Variants in JADE3 observed in about 807,000 individuals in gnomAD.
JADE3 encodes jade family PHD finger 3.
Under a neutral mutation model 50.1 loss-of-function variants are expected in JADE3, and 2 were observed. The observed-to-expected ratio is 0.04, with a 90% CI of 0.02 to 0.13. The LOEUF is 0.13. Ranked by LOEUF, JADE3 falls within the 10% of genes least tolerant of loss-of-function variation. The probability of loss-of-function intolerance (pLI) is 1.00; values close to 1 mark genes in which losing one functional copy is unlikely to be tolerated. For missense variants in JADE3, 475 were observed against 634.4 expected (o/e 0.75, Z 2.70); for synonymous variants, 218 against 232.9 (o/e 0.94, Z 0.58).
At chrX:47,015,298 C>G (rs1928644570) in intron 4 of JADE3, among the ~76,000 whole-genome samples, 1 of 112,006 alleles carries the variant, frequency 8.9e-6, no homozygotes, top group Non-Finnish European at 1.9e-5. Context: ...AAGAATGAAT[C>G]TGGCCGGGTG....
At chrX:47,046,075 A>T (rs1929364350) in intron 8 of JADE3, among the ~76,000 whole-genome samples, 1 of 111,492 alleles carries the variant, frequency 9.0e-6, no homozygotes, top group Non-Finnish European at 1.9e-5. Flanking sequence ...GAAAAAAAAG[A>T]TCAACAAAAC....
intron 6 of JADE3, among the ~76,000 whole-genome samples, chrX:47,031,419 G>T (rs1394399780): frequency 9.0e-6 from 1 of 111,472 alleles, no homozygotes; most frequent in Non-Finnish European, 1.9e-5. Flanking sequence ...ACCTACTCAA[G>T]CTCAGCATAG....
intron 8 of JADE3, among the ~76,000 whole-genome samples, chrX:47,041,970 T>C (rs1556369791): frequency 2.7e-5 from 3 of 110,415 alleles, no homozygotes; most frequent in African/African-American, 6.6e-5. Flanking sequence ...ACACCTGGCC[T>C]TTTTTTTTCT....
intron 1 of JADE3, among the ~76,000 whole-genome samples, chrX:46,938,232 T>C (rs782502033): frequency 8.9e-6 from 1 of 111,867 alleles, no homozygotes; most frequent in African/African-American, 3.2e-5. Flanking sequence ...TTTTGATACC[T>C]GTTTTTATTT....
chrX:46,990,606 G>A (rs782016132), intron 3 of JADE3, among the ~76,000 whole-genome samples: 6 of 111,463 alleles, frequency 5.4e-5, no homozygotes, highest in Non-Finnish European at 9.4e-5. Flanking sequence ...TTATTGCTGG[G>A]AGAGAGTGAA....
intron 1 of JADE3, among the ~76,000 whole-genome samples, chrX:46,957,289 A>G (rs1423479821): frequency 1.8e-5 from 2 of 111,975 alleles, no homozygotes; most frequent in Non-Finnish European, 3.8e-5. Context: ...TTTTGGATCT[A>G]TGTTTTAATT....
At chrX:46,980,868 G>A (rs1467916722) in intron 1 of JADE3, among the ~76,000 whole-genome samples, 1 of 111,423 alleles carries the variant, frequency 9.0e-6, no homozygotes, top group Non-Finnish European at 1.9e-5. Context: ...ATAAAATAGG[G>A]ACATTATCCT....
chrX:46,919,753 A>G (rs1333844121), intron 1 of JADE3, among the ~76,000 whole-genome samples: 3 of 111,530 alleles, frequency 2.7e-5, no homozygotes, highest in Non-Finnish European at 5.6e-5. Flanking sequence ...AGAGATGTAC[A>G]TTCCCCCAGA....
rs1556374214 is a variant in JADE3, at chrX:47,058,873, A to T, written c.2268A>T (p.Ala756=). ...GTAGACAGGTTCTCAGGCGGTCTGC[A>T]GGGAGAGCTCCATATCAGGAAAATG... ...FWGRQVLRRS[A]GRAPYQENDG... is the part of the protein sequence containing the mutation. Residue 756 remains alanine, a synonymous_variant, in exon 11 of 11, where the codon GCA becomes GCT. Coordinates refer to ENST00000614628, the MANE Select transcript of JADE3 (RefSeq NM_014735.5). The T allele has an allele frequency of 8.3e-7, 1 of 1,211,358 alleles. No homozygotes were observed. The highest frequency in any genetic ancestry group is 1.1e-6 in the Non-Finnish European group (1 of 895,103).
chrX:46,946,327 C>T (rs1471439185), intron 1 of JADE3, among the ~76,000 whole-genome samples: 2 of 111,324 alleles, frequency 1.8e-5, no homozygotes, highest in Non-Finnish European at 3.8e-5. Context: ...ATGTAGAGGA[C>T]TTAAGAGGCA....
At chrX:46,991,878 G>C (rs1161427837) in intron 3 of JADE3, among the ~76,000 whole-genome samples, 1 of 111,161 alleles carries the variant, frequency 9.0e-6, no homozygotes, top group Non-Finnish European at 1.9e-5. Context: ...AGGGTATGGG[G>C]GAGGGGCAGT....
chrX:46,966,998 T>C (rs1319630236), intron 1 of JADE3, among the ~76,000 whole-genome samples: 1 of 112,309 alleles, frequency 8.9e-6, no homozygotes, highest in Admixed American at 9.4e-5. Flanking sequence ...GCTTAGCTGT[T>C]TTCTGGTCAA....
chrX:47,004,839 T>C (rs1469009366), intron 4 of JADE3, among the ~76,000 whole-genome samples: 2 of 112,646 alleles, frequency 1.8e-5, no homozygotes, highest in African/African-American at 3.2e-5. Context: ...ATCTAAGTTG[T>C]TGAATTTACA....
intron 4 of JADE3, among the ~76,000 whole-genome samples, chrX:47,022,129 G>A (rs1262336334): frequency 5.3e-5 from 6 of 112,323 alleles, no homozygotes; most frequent in Non-Finnish European, 1.1e-4. Context: ...TGAATAGTTA[G>A]CAAAACGGTC....
intron 4 of JADE3, among the ~76,000 whole-genome samples, chrX:47,017,608 CTG>C (rs1406008734): frequency 7.2e-5 from 8 of 111,818 alleles, no homozygotes; most frequent in Non-Finnish European, 1.1e-4. Flanking sequence ...AAAAAATTAA[CTG>C]TGTAGTGTAT....
intron 1 of JADE3, among the ~76,000 whole-genome samples, chrX:46,922,193 T>C (rs1926237890): frequency 9.0e-6 from 1 of 110,909 alleles, no homozygotes; most frequent in African/African-American, 3.3e-5. Flanking sequence ...GTTCCCGCGT[T>C]AGTTTGAGGC....
chrX:47,055,648 CA>C (rs1202948757), intron 9 of JADE3, among the ~76,000 whole-genome samples: 6 of 110,305 alleles, frequency 5.4e-5, no homozygotes, highest in Non-Finnish European at 7.6e-5. Context: ...AAAGTGTGAG[CA>C]AAAAAAACAC....
At chrX:47,035,237 A>C (rs782464087) in intron 7 of JADE3, among the ~76,000 whole-genome samples, 1 of 111,336 alleles carries the variant, frequency 9.0e-6, no homozygotes, top group African/African-American at 3.3e-5. Context: ...GGGAGCTGAC[A>C]TTATATCAGT....
chrX:47,034,319 A>T (rs1327998536), intron 7 of JADE3, among the ~76,000 whole-genome samples: 1 of 111,283 alleles, frequency 9.0e-6, no homozygotes, highest in Non-Finnish European at 1.9e-5. Flanking sequence ...ATCCCCCAAG[A>T]ATAACCACCA....
Sources: gnomAD v4.1 joint callset for allele counts (sites outside exome capture counted in the v4.1 genomes callset) on GRCh38, gnomAD v4.1.1 for gene constraint, MANE v1.5 for transcripts, NCBI Gene and HGNC (gene_info 2026-07-23, HGNC 2026-07-21) for gene names.